THSD4: variants seen among roughly 807,000 people sequenced by gnomAD.
THSD4 encodes the protein thrombospondin type 1 domain containing 4, also known as thrombospondin type-1 domain-containing protein 4.
THSD4 carries 69 observed loss-of-function variants against 119.0 expected under a neutral mutation model. That is an observed-to-expected ratio of 0.58 (90% CI 0.48 to 0.71). The LOEUF is 0.71. Among genes scored for constraint, THSD4 ranks in the 30% least tolerant of loss-of-function variants. THSD4 has a pLI of 0.00. For synonymous variants in THSD4, 524 were observed against 540.4 expected, an observed-to-expected ratio of 0.97 and a Z score of 0.42; for missense variants, 1,393 against 1,391.1, an observed-to-expected ratio of 1.00 and a Z score of -0.02.
chr15:71,711,608 A>C (rs1465269795), intron 8 of THSD4, among the ~76,000 whole-genome samples: 2 of 152,170 alleles, frequency 1.3e-5, no homozygotes, highest in African/African-American at 2.4e-5. Flanking sequence ...ACAGATGGTC[A>C]GATTAGATTG....
chr15:71,225,590 C>T (rs2044010702), intron 4 of THSD4, among the ~76,000 whole-genome samples: 1 of 141,212 alleles, frequency 7.1e-6, no homozygotes, highest in Non-Finnish European at 1.5e-5. Flanking sequence ...CTCTGTTGCC[C>T]AGGCGGGAGT....
intron 3 of THSD4, among the ~76,000 whole-genome samples, chr15:71,157,342 T>C (rs953221656): frequency 6.6e-6 from 1 of 152,248 alleles, no homozygotes; most frequent in African/African-American, 2.4e-5. Context: ...ATAGTAATTA[T>C]ACATATTTAT....
intron 7 of THSD4, among the ~76,000 whole-genome samples, chr15:71,492,384 C>G (rs1184988137): frequency 1.3e-5 from 2 of 152,100 alleles, no homozygotes; most frequent in Admixed American, 1.3e-4. Flanking sequence ...CCTGTCTCAG[C>G]CTCCCAAGCA....
intron 6 of THSD4, among the ~76,000 whole-genome samples, chr15:71,323,462 G>T (rs2045300318): frequency 2.0e-5 from 3 of 152,236 alleles, no homozygotes; most frequent in Admixed American, 1.3e-4. Context: ...TGTTCAGAGA[G>T]CCAGTGGGGG....
intron 7 of THSD4, among the ~76,000 whole-genome samples, chr15:71,457,664 C>T (rs2047359827): frequency 6.6e-6 from 1 of 152,144 alleles, no homozygotes; most frequent in Non-Finnish European, 1.5e-5. Flanking sequence ...GGGGCCTTTA[C>T]CAGGCTCACT....
chr15:71,639,130 T>G (rs115000867), intron 7 of THSD4, among the ~76,000 whole-genome samples: 208 of 152,302 alleles, frequency 1.4e-3, no homozygotes, highest in African/African-American at 4.7e-3. Flanking sequence ...CTTCAGAAGG[T>G]TGGAGAATTG....
intron 7 of THSD4, among the ~76,000 whole-genome samples, chr15:71,478,620 T>C (rs769201378): frequency 1.2e-4 from 18 of 152,306 alleles, no homozygotes; most frequent in Admixed American, 1.3e-4. Flanking sequence ...AGGAGGCAAG[T>C]AGAAAGAATT....
At chr15:71,409,646 C>A (rs776416264) in intron 6 of THSD4, among the ~76,000 whole-genome samples, 1 of 152,176 alleles carries the variant, frequency 6.6e-6, no homozygotes, top group Non-Finnish European at 1.5e-5. Flanking sequence ...CTAGACGATG[C>A]AGTCTTCCTG....
chr15:71,758,327 CAG>C (rs2053579038), intron 15 of THSD4, among the ~76,000 whole-genome samples: 1 of 152,234 alleles, frequency 6.6e-6, no homozygotes, highest in African/African-American at 2.4e-5. Context: ...TCTCTGCCCT[CAG>C]GGGGCTTATG....
intron 7 of THSD4, among the ~76,000 whole-genome samples, chr15:71,452,024 C>G (rs200510012): frequency 2.0e-5 from 3 of 152,142 alleles, no homozygotes; most frequent in East Asian, 3.9e-4. Flanking sequence ...TCAGGACCCT[C>G]CTTACTAGCT....
chr15:71,710,691 G>T (rs1438877209), intron 8 of THSD4, among the ~76,000 whole-genome samples: 1 of 152,292 alleles, frequency 6.6e-6, no homozygotes, highest in East Asian at 1.9e-4. Flanking sequence ...TGTTAAGCCT[G>T]GATTGAGCTC....
intron 2 of THSD4, among the ~76,000 whole-genome samples, chr15:71,142,705 C>A (rs2040616764): frequency 6.6e-6 from 1 of 152,154 alleles, no homozygotes; most frequent in Non-Finnish European, 1.5e-5. Flanking sequence ...GGTAACAATT[C>A]TGTGATGAAG....
At position 71,768,560 on chromosome 15, in the gene THSD4, ATTTTTTTTTTTT is replaced by A. The variant is rs964263863; in HGVS notation, c.2770-2491_2770-2480del. Among the ~76,000 whole-genome samples, 4 of 99,286 alleles carry A rather than the reference ATTTTTTTTTTTT, an allele frequency of 4.0e-5. No homozygotes were observed. The South Asian group carries it at 1.5e-3, about 37-fold the overall frequency. 65.1% of individuals were successfully genotyped at this position (99,286 alleles called of 152,430 possible). On this transcript the variant is annotated intron_variant, in intron 16 of 17. Transcript: ENST00000261862. Reference sequence around the variant, plus strand: ...ACTTGCAGACCTGACGCAGATCCTGATTTTTTTTTTTTTTTTTTTTTTTTGAGACAAAGTCTC... The same window carrying A: ...ACTTGCAGACCTGACGCAGATCCTGATTTTTTTTTTTTGAGACAAAGTCTC...
At chr15:71,366,377 C>T (rs2140427978) in intron 6 of THSD4, among the ~76,000 whole-genome samples, 1 of 152,244 alleles carries the variant, frequency 6.6e-6, no homozygotes, top group Middle Eastern at 3.4e-3. Context: ...ATTTTTTACT[C>T]TGCTGGGTAT....
chr15:71,149,818 C>T (rs1315820353), intron 2 of THSD4, among the ~76,000 whole-genome samples: 5 of 152,074 alleles, frequency 3.3e-5, no homozygotes, highest in Non-Finnish European at 5.9e-5. Context: ...CTCACTGCAG[C>T]TGAGATGGTA....
At chr15:71,624,635 CT>C (rs58824187) in intron 7 of THSD4, among the ~76,000 whole-genome samples, 32,015 of 151,860 alleles carry the variant, frequency 0.21, 3,896 homozygotes, top group African/African-American at 0.34. Context: ...CACCTGCCCT[CT>C]TTTTTTTATG....
rs116870989 is a variant in THSD4, at chr15:71,608,860, T to A, written c.1153-51670T>A. Among the ~76,000 whole-genome samples the A allele has an allele frequency of 4.1e-3, 618 of 152,316 alleles. 3 individuals are homozygous for A. The highest frequency in any genetic ancestry group is 6.9e-3 in the Non-Finnish European group (469 of 68,038). ...ATGACTATTATCCCCAATATGTAGA[T>A]AAGGAAAGTGGGGCCGGTGGATGAT... On this transcript the variant is annotated intron_variant, in intron 7 of 17. Transcript: ENST00000261862.
chr15:71,669,297 TAAG>T (rs1175870939), intron 8 of THSD4, among the ~76,000 whole-genome samples: 1 of 152,264 alleles, frequency 6.6e-6, no homozygotes, highest in Non-Finnish European at 1.5e-5. Flanking sequence ...TTATTGATTT[TAAG>T]AACTCATATA....
Position 71,359,493 on chromosome 15 carries a change from A to G in THSD4, c.1016-52194A>G, listed in dbSNP as rs572526677. ...GAGCCTTCCCAAAGGTCACTCAGTAATAAGCCAAGCTGGGATTGAAATCTG... is the reference window on the plus strand; with the variant it reads ...GAGCCTTCCCAAAGGTCACTCAGTAGTAAGCCAAGCTGGGATTGAAATCTG... On this transcript the variant is annotated intron_variant, in intron 6 of 17. Transcript: ENST00000261862. Among the ~76,000 whole-genome samples the G allele has an allele frequency of 2.6e-5, 4 of 152,332 alleles. No individual in the cohort carries two copies. In the South Asian group the frequency reaches 8.3e-4, roughly 32 times the overall value.
Sources: allele counts gnomAD v4.1 joint callset (sites outside exome capture counted in the v4.1 genomes callset), GRCh38; gene constraint gnomAD v4.1.1; transcripts MANE v1.5; gene names NCBI Gene and HGNC (gene_info 2026-07-23, HGNC 2026-07-21).